The following LPP variants were observed in gnomAD, a reference collection of about 807,000 sequenced individuals.
LPP encodes the protein lipoma-preferred partner.
Under a neutral mutation model 60.4 loss-of-function variants are expected in LPP, and 38 were observed. The ratio of observed to expected loss-of-function variants is 0.63; its 90% CI spans 0.49 to 0.83. The LOEUF is 0.83. Among genes scored for constraint, LPP ranks in the 40% least tolerant of loss-of-function variants. The pLI is 0.00. For synonymous variants in LPP, 328 were observed against 290.8 expected (o/e 1.13, Z -1.30); for missense variants, 902 against 783.6 (o/e 1.15, Z -1.80).
At chr3:188,506,341 T>A (rs1469736697) in intron 5 of LPP, among the ~76,000 whole-genome samples, 1 of 152,204 alleles carries the variant, frequency 6.6e-6, no homozygotes, top group Non-Finnish European at 1.5e-5. Context: ...CAACAACTGC[T>A]GGTTCAGAGT....
intron 7 of LPP, among the ~76,000 whole-genome samples, chr3:188,624,736 T>TTTCCC (rs1193804903): frequency 1.2e-3 from 49 of 40,434 alleles, no homozygotes; most frequent in African/African-American, 3.4e-3. Context: ...TCCCTTTCCC[T>TTTCCC]TTCCCTTCCC....
At chr3:188,791,002 A>T (rs1743555372) in intron 9 of LPP, among the ~76,000 whole-genome samples, 1 of 152,108 alleles carries the variant, frequency 6.6e-6, no homozygotes, top group Admixed American at 6.5e-5. Context: ...AAAGTCAAAA[A>T]TGGTAATAAT....
At chr3:188,615,778 G>C (rs1844725519) in intron 7 of LPP, among the ~76,000 whole-genome samples, 2 of 152,112 alleles carry the variant, frequency 1.3e-5, no homozygotes, top group African/African-American at 4.8e-5. Flanking sequence ...TAGCCATTCT[G>C]ACTGGTGTGA....
intron 9 of LPP, among the ~76,000 whole-genome samples, chr3:188,803,493 G>T (rs1024487309): frequency 3.9e-5 from 6 of 152,080 alleles, no homozygotes; most frequent in African/African-American, 1.4e-4. Flanking sequence ...TTTATATAAG[G>T]TGATCAAATT....
intron 5 of LPP, among the ~76,000 whole-genome samples, chr3:188,502,676 C>G (rs1395589995): frequency 6.6e-6 from 1 of 152,052 alleles, no homozygotes; most frequent in Non-Finnish European, 1.5e-5. Flanking sequence ...GGGGTTATGT[C>G]CCACTAAAAC....
intron 9 of LPP, among the ~76,000 whole-genome samples, chr3:188,835,609 G>T (rs554237738): frequency 6.6e-6 from 1 of 152,016 alleles, no homozygotes; most frequent in African/African-American, 2.4e-5. Flanking sequence ...ACAGAGTGAG[G>T]CTCCATCTCC....
chr3:188,693,216 C>T (rs749925525), intron 7 of LPP, among the ~76,000 whole-genome samples: 18 of 152,088 alleles, frequency 1.2e-4, no homozygotes, highest in Non-Finnish European at 2.2e-4. Context: ...CCAGAATGGT[C>T]GGGTACAAAT....
intron 3 of LPP, among the ~76,000 whole-genome samples, chr3:188,372,584 T>C (rs544433573): frequency 6.6e-6 from 1 of 152,084 alleles, no homozygotes; most frequent in Non-Finnish European, 1.5e-5. Flanking sequence ...TTCTGATTAG[T>C]GTTCCCCTGG....
At chr3:188,813,377 A>G (rs889188377) in intron 9 of LPP, among the ~76,000 whole-genome samples, 11 of 152,152 alleles carry the variant, frequency 7.2e-5, no homozygotes, top group Admixed American at 4.6e-4. Context: ...GAATGATCTT[A>G]TGTAATCATC....
chr3:188,736,198 A>G (rs533794083), intron 8 of LPP, among the ~76,000 whole-genome samples: 3 of 152,328 alleles, frequency 2.0e-5, no homozygotes, highest in African/African-American at 7.2e-5. Context: ...TAAAACATAA[A>G]GATCAATCAC....
chr3:188,523,223 A>G (rs1166412159), intron 5 of LPP, among the ~76,000 whole-genome samples: 1 of 152,092 alleles, frequency 6.6e-6, no homozygotes, highest in Non-Finnish European at 1.5e-5. Context: ...CCATGTTTAA[A>G]GAGGGCTCAC....
At chr3:188,216,757 AT>A (rs1273384071) in intron 1 of LPP, among the ~76,000 whole-genome samples, 1 of 152,178 alleles carries the variant, frequency 6.6e-6, no homozygotes, top group Non-Finnish European at 1.5e-5. Flanking sequence ...TATTATCCCC[AT>A]TTTACTTTTG....
At chr3:188,617,330 G>C (rs564856404) in intron 7 of LPP, among the ~76,000 whole-genome samples, 1 of 152,284 alleles carries the variant, frequency 6.6e-6, no homozygotes, top group South Asian at 2.1e-4. Flanking sequence ...AATGCAAAAT[G>C]TAACTCTTCT....
intron 9 of LPP, among the ~76,000 whole-genome samples, chr3:188,846,683 CAAAAAAAAAAA>C (rs34230552): frequency 3.5e-5 from 3 of 84,578 alleles, no homozygotes; most frequent in South Asian, 8.2e-4. Flanking sequence ...GATTCCATCT[CAAAAAAAAAAA>C]AAAAAAAAAG....
chr3:188,404,024 G>C (rs1782845645), intron 3 of LPP, among the ~76,000 whole-genome samples: 1 of 152,152 alleles, frequency 6.6e-6, no homozygotes, highest in Admixed American at 6.5e-5. Context: ...TACCAGTTTA[G>C]AGTCTTTGTC....
intron 9 of LPP, among the ~76,000 whole-genome samples, chr3:188,847,554 G>C (rs186879012): frequency 6.6e-6 from 1 of 152,282 alleles, no homozygotes; most frequent in East Asian, 1.9e-4. Context: ...CTGTTGAAAA[G>C]TACTTATAGG....
chr3:188,838,229 T>C (rs1758975591), intron 9 of LPP, among the ~76,000 whole-genome samples: 2 of 152,222 alleles, frequency 1.3e-5, no homozygotes, highest in Non-Finnish European at 2.9e-5. Context: ...TATTATTCCA[T>C]TACTTTATTA....
chr3:188,203,589 A>ATATT (rs1553811398), intron 1 of LPP, among the ~76,000 whole-genome samples: 38 of 97,720 alleles, frequency 3.9e-4, no homozygotes, highest in African/African-American at 1.4e-3. Flanking sequence ...ATATATATAT[A>ATATT]TTTAAATATA....
intron 8 of LPP, among the ~76,000 whole-genome samples, chr3:188,713,440 T>C (rs2149763583): frequency 6.6e-6 from 1 of 152,062 alleles, no homozygotes; most frequent in Middle Eastern, 3.4e-3. Context: ...GAAATTTGAA[T>C]ATCAATGATA....
Sources: allele counts gnomAD v4.1 joint callset (sites outside exome capture counted in the v4.1 genomes callset), GRCh38; gene constraint gnomAD v4.1.1; transcripts MANE v1.5; gene names NCBI Gene and HGNC (gene_info 2026-07-23, HGNC 2026-07-21).